Variants in UNC5D observed in about 807,000 individuals in gnomAD.
UNC5D encodes netrin receptor UNC5D.
UNC5D carries 39 observed loss-of-function variants against 105.4 expected under a neutral mutation model. That is an observed-to-expected ratio of 0.37 (90% confidence interval 0.29 to 0.48). UNC5D has a LOEUF of 0.48. Among genes scored for constraint, UNC5D ranks in the 20% least tolerant of loss-of-function variants. The pLI, the probability that UNC5D is intolerant of heterozygous loss-of-function variation, is 0.98. For synonymous variants in UNC5D, 452 were observed against 450.4 expected (o/e 1.00, Z -0.04); for missense variants, 991 against 1,202.4 (o/e 0.82, Z 2.60).
At chr8:35,467,804 A>G (rs1809418956) in intron 1 of UNC5D, among the ~76,000 whole-genome samples, 1 of 152,154 alleles carries the variant, frequency 6.6e-6, no homozygotes, top group Non-Finnish European at 1.5e-5. Flanking sequence ...CTGTGTAATC[A>G]TGGAGTGTGT....
At chr8:35,363,177 G>A (rs1223263269) in intron 1 of UNC5D, among the ~76,000 whole-genome samples, 1 of 152,082 alleles carries the variant, frequency 6.6e-6, no homozygotes, top group Non-Finnish European at 1.5e-5. Context: ...CCGAGACTGG[G>A]CAATTTAGAA....
intron 3 of UNC5D, among the ~76,000 whole-genome samples, chr8:35,574,717 C>T (rs1175446149): frequency 1.3e-5 from 2 of 152,152 alleles, no homozygotes; most frequent in Non-Finnish European, 1.5e-5. Context: ...CATCTAGGCA[C>T]ATCTTCCTGG....
At chr8:35,721,540 T>G in intron 8 of UNC5D, 1 of 702,588 alleles carries the variant, frequency 1.4e-6, no homozygotes, top group Non-Finnish European at 2.6e-6. Flanking sequence ...GAGTCTAGCA[T>G]TTAATTGGTG....
intron 1 of UNC5D, among the ~76,000 whole-genome samples, chr8:35,383,276 C>T (rs1238266687): frequency 1.3e-5 from 2 of 152,086 alleles, no homozygotes; most frequent in African/African-American, 4.8e-5. Flanking sequence ...ATTACTCTGC[C>T]ATTTCCTCCA....
At position 35,248,332 on chromosome 8, in the gene UNC5D, T is replaced by TAG. The variant is rs1803343466; in HGVS notation, c.103+12446_103+12447insGA. On this transcript the variant is annotated intron_variant, in intron 1 of 16. Transcript: ENST00000404895. The stretch of plus-strand genomic sequence containing the variant: ...ATATATAAATATATGTTATATAAAA[T>TAG]ATATAATATATAAATATATGTTATA... Among the ~76,000 whole-genome samples the TAG allele has an allele frequency of 1.0e-4, 11 of 109,898 alleles. 3 individuals are homozygous for TAG. The highest frequency in any genetic ancestry group is 2.6e-4 in the African/African-American group (7 of 26,458). 72.1% of individuals were successfully genotyped at this position (109,898 alleles called of 152,430 possible).
intron 16 of UNC5D, among the ~76,000 whole-genome samples, chr8:35,776,672 G>T (rs747249649): frequency 7.2e-5 from 11 of 152,060 alleles, no homozygotes; most frequent in Non-Finnish European, 1.6e-4. Flanking sequence ...AAATTTTTTT[G>T]ACATAATTCA....
At chr8:35,646,263 A>G (rs1217733256) in intron 4 of UNC5D, among the ~76,000 whole-genome samples, 2 of 152,068 alleles carry the variant, frequency 1.3e-5, no homozygotes, top group African/African-American at 2.4e-5. Flanking sequence ...GAAAAACACT[A>G]TGCTTTTTTT....
chr8:35,283,621 C>G (rs988219417), intron 1 of UNC5D, among the ~76,000 whole-genome samples: 5 of 151,800 alleles, frequency 3.3e-5, no homozygotes, highest in African/African-American at 1.2e-4. Context: ...TTACAAAACC[C>G]TGTCTCTCCT....
In UNC5D at chr8:35,595,602, T is replaced by C. The variant is rs1172441216; in HGVS notation, c.515T>C (p.Ile172Thr). The C allele has an allele frequency of 2.5e-6, 4 of 1,613,956 alleles. No individual in the cohort carries two copies. The highest frequency in any genetic ancestry group is 3.4e-6 in the Non-Finnish European group (4 of 1,179,978). Residue 172 changes from isoleucine (I) to threonine (T), a missense_variant, in exon 4 of 17, where the codon ATT (isoleucine) becomes ACT (threonine). Ile to Thr is a moderately conservative substitution (Grantham distance 89). Around this residue, in one of 3 missense-constraint regions of UNC5D, gnomAD observed 944 missense variants for 1,131.6 expected, o/e 0.83. Coordinates refer to ENST00000404895, the MANE Select transcript of UNC5D (RefSeq NM_080872.4). ...GACCCACAAGGAAGGGAAGTTCCCA[T>C]TGAAGGCATGATTGTACTGCACTGC... ...EQDPQGREVP[I>T]EGMIVLHCRP...
At chr8:35,767,268 A>G (rs1220425726) in intron 15 of UNC5D, among the ~76,000 whole-genome samples, 1 of 152,170 alleles carries the variant, frequency 6.6e-6, no homozygotes, top group Non-Finnish European at 1.5e-5. Flanking sequence ...AAGGAAACTC[A>G]ACCCATCAGA....
chr8:35,705,849 A>C (rs1194012970), intron 7 of UNC5D, 80 bp from the exon 8 acceptor site: 3 of 873,490 alleles, frequency 3.4e-6, no homozygotes, highest in Non-Finnish European at 5.2e-6. Context: ...AGAGGTAGAT[A>C]TAAAGTGAAA....
chr8:35,484,867 T>C (rs984699707), intron 1 of UNC5D, among the ~76,000 whole-genome samples: 16 of 152,214 alleles, frequency 1.1e-4, no homozygotes. Context: ...TTAGAATGAA[T>C]GACAAAGTCT....
chr8:35,715,149 C>A lies in UNC5D; in HGVS notation c.1118-7061C>A, dbSNP rs1035552683. ...CTGGGCAACAAGAGCAAAACTCTGT[C>A]TCAAAAAAACAAACAAAAAAAAGAA... On this transcript the variant is annotated intron_variant, in intron 8 of 16. Coordinates refer to ENST00000404895, the MANE Select transcript of UNC5D (RefSeq NM_080872.4). Among the ~76,000 whole-genome samples, 23 of 151,948 alleles carry A rather than the reference C, an allele frequency of 1.5e-4. 1 individual carries two copies. The highest frequency in any genetic ancestry group is 5.6e-4 in the African/African-American group (23 of 41,414).
chr8:35,664,497 T>TC (rs199950291), intron 4 of UNC5D, among the ~76,000 whole-genome samples: 2,161 of 152,208 alleles, frequency 0.014, 53 homozygotes, highest in African/African-American at 0.049. Flanking sequence ...TGCCTCAGCC[T>TC]CCGAGTAGCT....
At chr8:35,350,292 G>T (rs1002260391) in intron 1 of UNC5D, among the ~76,000 whole-genome samples, 1 of 151,746 alleles carries the variant, frequency 6.6e-6, no homozygotes, top group African/African-American at 2.4e-5. Context: ...ATTTAATGGG[G>T]TCCTATCTCA....
intron 1 of UNC5D, among the ~76,000 whole-genome samples, chr8:35,539,793 C>A (rs1000098601): frequency 6.6e-6 from 1 of 152,196 alleles, no homozygotes; most frequent in Non-Finnish European, 1.5e-5. Context: ...TGTGACCTGA[C>A]ATCTAACAGG....
At position 35,520,720 on chromosome 8, in the gene UNC5D, G is replaced by A. The variant is rs561309356; in HGVS notation, c.104-28572G>A. Among the ~76,000 whole-genome samples the A allele has an allele frequency of 2.5e-3, 386 of 152,022 alleles. 2 individuals carry two copies. Among genetic ancestry groups the A allele is most frequent in the Non-Finnish European group, 2.9e-3 (198 of 67,924 alleles). The stretch of plus-strand genomic sequence containing the variant: ...ACCATGAACATATAAAGGAGGGAGA[G>A]ATCTGAAAAAGAAAGAAAAAAAATC... On this transcript the variant is annotated intron_variant, in intron 1 of 16. Transcript: ENST00000404895.
chr8:35,614,304 A>G (rs888684148), intron 4 of UNC5D, among the ~76,000 whole-genome samples: 7 of 152,198 alleles, frequency 4.6e-5, no homozygotes, highest in South Asian at 4.1e-4. Flanking sequence ...TTTAACCTCA[A>G]TCAAACAGAC....
chr8:35,510,492 C>T (rs758908038), intron 1 of UNC5D, among the ~76,000 whole-genome samples: 9 of 152,062 alleles, frequency 5.9e-5, no homozygotes, highest in Non-Finnish European at 1.3e-4. Flanking sequence ...TCACCTGCTG[C>T]CTCAACTTTT....
Sources: allele counts gnomAD v4.1 joint callset (sites outside exome capture counted in the v4.1 genomes callset), GRCh38; gene constraint gnomAD v4.1.1; regional missense constraint gnomAD v4.1.1; transcripts MANE v1.5; gene names NCBI Gene and HGNC (gene_info 2026-07-23, HGNC 2026-07-21).